Variants in GSKIP observed in about 807,000 individuals in gnomAD.
The protein encoded by GSKIP is GSK3B interacting protein, also known as GSK3B-interacting protein.
A neutral mutation model predicts 11.9 loss-of-function variants in GSKIP; 5 were observed. The observed-to-expected ratio is 0.42, with a 90% CI of 0.22 to 0.89. The LOEUF (loss-of-function observed/expected upper bound fraction) is 0.89, where lower values mean the gene tolerates loss of function less well. GSKIP is among the 40% of genes least tolerant of loss of function. The pLI, the probability that GSKIP is intolerant of heterozygous loss-of-function variation, is 0.29. For synonymous variants in GSKIP, 70 were observed against 62.9 expected (o/e 1.11, Z -0.54); for missense variants, 150 against 166.6 (o/e 0.90, Z 0.55).
chr14:96,364,954 T>A (rs1236261377), intron 1 of GSKIP: 1 of 152,172 alleles, frequency 6.6e-6, no homozygotes, highest in Non-Finnish European at 1.5e-5. Context: ...GCTATGATCA[T>A]GCCACTGCAC....
At chr14:96,379,099 C>A (rs1272961417) in intron 1 of GSKIP, 1 of 152,446 alleles carries the variant, frequency 6.6e-6, no homozygotes, top group Admixed American at 6.5e-5. Flanking sequence ...GGGTGGATTG[C>A]TTGAGGTCGG....
At chr14:96,382,112 AT>A (rs1889359466) in intron 2 of GSKIP, 134 bp from the exon 3 acceptor site, 1 of 561,530 alleles carries the variant, frequency 1.8e-6, no homozygotes, top group Non-Finnish European at 3.0e-6. Flanking sequence ...TTTAGATAGT[AT>A]TTTTCCTAAC....
intron 1 of GSKIP, among the ~76,000 whole-genome samples, chr14:96,377,813 T>G (rs1889242560): frequency 6.6e-6 from 1 of 152,184 alleles, no homozygotes; most frequent in Admixed American, 6.5e-5. Context: ...CGGAAGTAGT[T>G]GGACAAAGCT....
Position 96,382,261 on chromosome 14 carries a change from G to A in GSKIP, c.14G>A (p.Cys5Tyr). Residue 5 changes from cysteine to tyrosine, a missense_variant, in exon 3 of 4, where the codon TGT (cysteine) becomes TAT (tyrosine). By Grantham distance (194) the Cys-to-Tyr change is radical (BLOSUM62 -2). Transcript: ENST00000555181. ...TTTTTTTACAGAATGGAAACAGACTGTAATCCCATGGAGCTAAGCAGTATG... is the reference window on the plus strand; with the variant it reads ...TTTTTTTACAGAATGGAAACAGACTATAATCCCATGGAGCTAAGCAGTATG... METD[C>Y]NPMELSSMSG... 2 of 1,591,422 alleles carry A rather than the reference G, an allele frequency of 1.3e-6. No individual in the cohort carries two copies. The highest frequency in any genetic ancestry group is 8.6e-7 in the Non-Finnish European group (1 of 1,165,744).
In GSKIP at chr14:96,373,229, CAAAA is replaced by C. The variant is rs57931398; in HGVS notation, c.-102-6439_-102-6436del. 5.6e-4 allele frequency among the ~76,000 whole-genome samples: 46 copies of C among 82,808 alleles called. No homozygotes were observed. In the South Asian group the frequency reaches 0.013, roughly 23 times the overall value. The allele number at this position is 82,808 out of a possible 152,430, so 54.3% of individuals were successfully genotyped here. A position where few individuals can be genotyped will look rare whatever the true frequency, so the allele number is the denominator to read the frequency against. On this transcript the variant is annotated intron_variant, in intron 1 of 3. Transcript: ENST00000555181. ...TGGGTGACAGAGCGAGACTCTGTCT[CAAAA>C]AAAAAAAAAAAAAAAAAAAGAAAGG...
At chr14:96,383,808 C>G (rs1440209568) in intron 3 of GSKIP, among the ~76,000 whole-genome samples, 1 of 152,178 alleles carries the variant, frequency 6.6e-6, no homozygotes, top group African/African-American at 2.4e-5. Context: ...CACTTCTTTT[C>G]ACATCCTTAA....
At chr14:96,372,984 A>C (rs1161622745) in intron 1 of GSKIP, among the ~76,000 whole-genome samples, 1 of 152,112 alleles carries the variant, frequency 6.6e-6, no homozygotes, top group Admixed American at 6.6e-5. Context: ...TAATCCCAAC[A>C]CTTGGGAGGC....
At chr14:96,370,490 G>T (rs757637479) in intron 1 of GSKIP, among the ~76,000 whole-genome samples, 16 of 152,196 alleles carry the variant, frequency 1.1e-4, no homozygotes, top group Non-Finnish European at 1.9e-4. Flanking sequence ...GGGAGTTGGG[G>T]CGGGGTAGGG....
At chr14:96,380,023 A>G (rs908346070) in intron 2 of GSKIP, 1 of 152,200 alleles carries the variant, frequency 6.6e-6, no homozygotes, top group African/African-American at 2.4e-5. Flanking sequence ...TTGTATGTAT[A>G]AGACCAAATA....
intron 1 of GSKIP, chr14:96,363,793 C>T (rs992273346): frequency 1.3e-5 from 2 of 152,406 alleles, no homozygotes; most frequent in Non-Finnish European, 1.5e-5. Context: ...GACCTCGGCG[C>T]CCCGGAAACG....
chr14:96,383,203 A>G (rs1889396788), intron 3 of GSKIP, among the ~76,000 whole-genome samples: 1 of 152,160 alleles, frequency 6.6e-6, no homozygotes, highest in Admixed American at 6.6e-5. Context: ...TTAGAGCAGA[A>G]GTTCAAGACC....
chr14:96,365,744 G>T (rs1888863104), intron 1 of GSKIP, among the ~76,000 whole-genome samples: 1 of 151,978 alleles, frequency 6.6e-6, no homozygotes, highest in African/African-American at 2.4e-5. Context: ...TGAGGCAGGA[G>T]AATTGCTTGA....
Position 96,385,551 on chromosome 14 carries a change from A to G in GSKIP, c.287A>G (p.Asp96Gly). Residue 96 changes from aspartate to glycine, a missense_variant, in exon 4 of 4, where the codon GAT (aspartate) becomes GGT (glycine). By Grantham distance (94) the Asp-to-Gly change is moderately conservative. Transcript: ENST00000555181. Reference sequence around the variant, plus strand: ...GTAGGCTATGCTTTTGACCAGGTAGATGATCATTTACAGACTCCCTACCAT... The same window carrying G: ...GTAGGCTATGCTTTTGACCAGGTAGGTGATCATTTACAGACTCCCTACCAT... ...KVVGYAFDQVDDHLQTPYHET... is the reference protein window; with the variant it reads ...KVVGYAFDQVGDHLQTPYHET... The G allele has an allele frequency of 6.2e-7, 1 of 1,612,326 alleles. No individual in the cohort carries two copies. The highest frequency in any genetic ancestry group is 8.5e-7 in the Non-Finnish European group (1 of 1,179,184).
rs975214230 is a variant in GSKIP, at chr14:96,386,652, C to G, written c.*968C>G. 3 of 152,538 alleles carry G rather than the reference C, an allele frequency of 2.0e-5. No homozygotes were observed. Among genetic ancestry groups the G allele is most frequent in the African/African-American group, 7.2e-5 (3 of 41,422 alleles). The allele number at this position is 152,538 out of a possible 1,614,324, so 9.4% of individuals were successfully genotyped here. On this transcript the variant is annotated 3_prime_UTR_variant, in exon 4 of 4. Transcript: ENST00000555181. ...AGATGTACAGTGTTCTGTCTCCATT[C>G]GAAATCTACAATGTAATATGAGTGC...
chr14:96,385,818 G>T lies in GSKIP; in HGVS notation c.*134G>T. The T allele has an allele frequency of 1.6e-6, 1 of 644,422 alleles. No individual in the cohort carries two copies. Among genetic ancestry groups the T allele is most frequent in the Non-Finnish European group, 2.6e-6 (1 of 388,458 alleles). The allele number at this position is 644,422 out of a possible 1,614,324, so 39.9% of individuals were successfully genotyped here. A position where few individuals can be genotyped will look rare whatever the true frequency, so the allele number is the denominator to read the frequency against. ...TCACTTGCTTCCAACTTAGGCTTTT[G>T]GCTCAGAAGATTATTGAATAATGAT... On this transcript the variant is annotated 3_prime_UTR_variant, in exon 4 of 4. Transcript: ENST00000555181.
At chr14:96,382,606 G>A (rs139436089) in intron 3 of GSKIP, 101 bp downstream of exon 3, 9,869 of 713,824 alleles carry the variant, frequency 0.014, 98 homozygotes, top group Middle Eastern at 0.031. Context: ...AAGAGAACTG[G>A]ATATTCAGTA....
At chr14:96,385,189 C>T (rs1472714822) in intron 3 of GSKIP, among the ~76,000 whole-genome samples, 2 of 151,952 alleles carry the variant, frequency 1.3e-5, no homozygotes, top group Non-Finnish European at 2.9e-5. Context: ...AAATGAAATA[C>T]CATTTTTGTG....
At chr14:96,364,181 A>G (rs1453790378) in intron 1 of GSKIP, 2 of 152,412 alleles carry the variant, frequency 1.3e-5, no homozygotes, top group East Asian at 3.9e-4. Flanking sequence ...TAACTCCTGC[A>G]GAGGCGGAGC....
intron 1 of GSKIP, among the ~76,000 whole-genome samples, chr14:96,374,156 TTTAAAAGA>T (rs1889134375): frequency 6.6e-6 from 1 of 152,124 alleles, no homozygotes; most frequent in South Asian, 2.1e-4. Flanking sequence ...GGAAAATATG[TTTAAAAGA>T]TTAAAAGACA....
Sources: allele counts gnomAD v4.1 joint callset (sites outside exome capture counted in the v4.1 genomes callset), GRCh38; gene constraint gnomAD v4.1.1; transcripts MANE v1.5; gene names NCBI Gene and HGNC (gene_info 2026-07-23, HGNC 2026-07-21).